The following SIL1 variants were observed in gnomAD, a reference collection of about 807,000 sequenced individuals.
SIL1 encodes the protein SIL1 nucleotide exchange factor, also known as nucleotide exchange factor SIL1.
In SIL1, 40 loss-of-function variants were observed where a neutral mutation model predicts 49.1. The ratio of observed to expected loss-of-function variants is 0.81; its 90% CI spans 0.63 to 1.06. The LOEUF is 1.06. SIL1 is among the 50% of genes least tolerant of loss of function. The pLI, the probability that SIL1 is intolerant of heterozygous loss-of-function variation, is 0.00. For synonymous variants in SIL1, 253 were observed against 250.8 expected (o/e 1.01, Z -0.08); for missense variants, 500 against 572.6 (o/e 0.87, Z 1.29).
chr5:139,162,580 A>C (rs1182425784), intron 1 of SIL1, among the ~76,000 whole-genome samples: 1 of 152,240 alleles, frequency 6.6e-6, no homozygotes, highest in East Asian at 1.9e-4. Context: ...TTAATGAATA[A>C]GAAAGAAAAT....
chr5:139,170,347 G>A (rs1465208833), intron 1 of SIL1, among the ~76,000 whole-genome samples: 1 of 151,146 alleles, frequency 6.6e-6, no homozygotes, highest in African/African-American at 2.4e-5. Context: ...GACGTGAGGA[G>A]CCCCTCTGCC....
chr5:139,133,618 T>C (rs917908085), intron 1 of SIL1: 7 of 152,254 alleles, frequency 4.6e-5, no homozygotes, highest in African/African-American at 1.7e-4. Flanking sequence ...GCAGGACCCA[T>C]GGGCAGTAGC....
At chr5:139,050,855 T>A in intron 4 of SIL1, 83 bp downstream of exon 4, 3 of 1,156,030 alleles carry the variant, frequency 2.6e-6, no homozygotes, top group Non-Finnish European at 3.9e-6. Context: ...AAAAGCCACA[T>A]GAATTTGGGT....
At chr5:139,127,080 G>C (rs1031673330) in intron 2 of SIL1, among the ~76,000 whole-genome samples, 12 of 152,222 alleles carry the variant, frequency 7.9e-5, no homozygotes, top group African/African-American at 2.9e-4. Flanking sequence ...GGGCCTTTCT[G>C]GGCATTCTCC....
At chr5:139,106,767 T>C (rs867405912) in intron 3 of SIL1, among the ~76,000 whole-genome samples, 1 of 152,174 alleles carries the variant, frequency 6.6e-6, no homozygotes, top group Non-Finnish European at 1.5e-5. Flanking sequence ...ACATCAGTCA[T>C]AAGAAAAGCA....
At chr5:139,044,212 G>A (rs141700788) in intron 4 of SIL1, among the ~76,000 whole-genome samples, 57 of 152,292 alleles carry the variant, frequency 3.7e-4, no homozygotes, top group African/African-American at 1.3e-3. Context: ...ATGCTACAAA[G>A]TAGGGAGAGA....
At chr5:139,025,810 T>G (rs1226221358) in intron 6 of SIL1, among the ~76,000 whole-genome samples, 1 of 152,184 alleles carries the variant, frequency 6.6e-6, no homozygotes, top group East Asian at 1.9e-4. Context: ...AAGGGCCTGG[T>G]AGTAAATATT....
At chr5:139,144,567 C>T (rs1045511852) in intron 1 of SIL1, among the ~76,000 whole-genome samples, 7 of 151,972 alleles carry the variant, frequency 4.6e-5, no homozygotes, top group African/African-American at 7.3e-5. Flanking sequence ...TTTTAAAGGA[C>T]GAAATTTAAA....
chr5:139,113,186 G>A (rs1770909813), intron 3 of SIL1, among the ~76,000 whole-genome samples: 2 of 151,896 alleles, frequency 1.3e-5, no homozygotes, highest in South Asian at 4.2e-4. Flanking sequence ...CTCTGCCTAG[G>A]AAAACCAGAA....
chr5:139,172,175 G>T (rs1383647053), intron 1 of SIL1, among the ~76,000 whole-genome samples: 1 of 152,146 alleles, frequency 6.6e-6, no homozygotes, highest in Non-Finnish European at 1.5e-5. Flanking sequence ...AAGATAAGTA[G>T]CAGAGAGAAC....
intron 4 of SIL1, among the ~76,000 whole-genome samples, chr5:139,046,112 A>C (rs2150449182): frequency 6.6e-6 from 1 of 152,298 alleles, no homozygotes; most frequent in African/African-American, 2.4e-5. Context: ...GCAGATCACG[A>C]GGTCAGAATT....
intron 1 of SIL1, among the ~76,000 whole-genome samples, chr5:139,195,267 C>T (rs189851287): frequency 6.6e-6 from 1 of 152,174 alleles, no homozygotes; most frequent in East Asian, 1.9e-4. Flanking sequence ...TTCTCATTAA[C>T]GGCAAATCTT....
intron 7 of SIL1, among the ~76,000 whole-genome samples, chr5:138,986,927 G>C (rs1767660900): frequency 6.6e-6 from 1 of 152,016 alleles, no homozygotes; most frequent in African/African-American, 2.4e-5. Flanking sequence ...GAAAAGGGCA[G>C]CTTCTCAGGA....
chr5:138,972,851 G>A (rs749936143), intron 7 of SIL1, among the ~76,000 whole-genome samples: 2 of 152,188 alleles, frequency 1.3e-5, no homozygotes, highest in Non-Finnish European at 2.9e-5. Flanking sequence ...TAACATGAGG[G>A]TAAAACCCTG....
chr5:139,112,700 C>T (rs904440699), intron 3 of SIL1, among the ~76,000 whole-genome samples: 1 of 150,176 alleles, frequency 6.7e-6, no homozygotes, highest in East Asian at 2.0e-4. Flanking sequence ...TCCGCCCGGC[C>T]GCCGCCCCGT....
intron 3 of SIL1, among the ~76,000 whole-genome samples, chr5:139,055,780 C>T (rs10045209): frequency 0.41 from 60,662 of 148,242 alleles, 13,145 homozygotes; most frequent in African/African-American, 0.56. Flanking sequence ...GCCTGATTCT[C>T]CTGCCTCAGC....
chr5:138,982,389 C>T (rs1178772581), intron 7 of SIL1, among the ~76,000 whole-genome samples: 3 of 152,218 alleles, frequency 2.0e-5, no homozygotes, highest in African/African-American at 7.2e-5. Flanking sequence ...GCCCCTCCCT[C>T]CATTAGGAAA....
intron 7 of SIL1, among the ~76,000 whole-genome samples, chr5:138,995,575 C>T (rs1767847584): frequency 1.3e-5 from 2 of 152,222 alleles, no homozygotes; most frequent in South Asian, 4.1e-4. Flanking sequence ...ATTCAAATTA[C>T]ATTCCAGTTA....
In SIL1 at chr5:139,171,221, C is replaced by T. The variant is rs912185208; in HGVS notation, c.-11+27048G>A. 5.3e-5 allele frequency among the ~76,000 whole-genome samples: 8 copies of T among 152,162 alleles called. No individual in the cohort carries two copies. The East Asian group carries it at 7.8e-4, about 15-fold the overall frequency. Reference sequence around the variant, plus strand: ...GGTGTACCCAACAGCTCATTGAGAACGGGCCGGGATGACAATGGCGGTTTT... The same window carrying T: ...GGTGTACCCAACAGCTCATTGAGAATGGGCCGGGATGACAATGGCGGTTTT... On this transcript the variant is annotated intron_variant, in intron 1 of 9. Transcript: ENST00000394817.
Sources: allele counts gnomAD v4.1 joint callset (sites outside exome capture counted in the v4.1 genomes callset), GRCh38; gene constraint gnomAD v4.1.1; transcripts MANE v1.5; gene names NCBI Gene and HGNC (gene_info 2026-07-23, HGNC 2026-07-21).